The following SUGCT variants were observed in gnomAD, a reference collection of about 807,000 sequenced individuals.
SUGCT encodes the protein succinyl-CoA:glutarate-CoA transferase, also known as succinyl-CoA:glutarate CoA-transferase.
A neutral mutation model predicts 55.0 loss-of-function variants in SUGCT; 41 were observed. The observed-to-expected ratio is 0.74, with a 90% confidence interval of 0.58 to 0.97. SUGCT has a LOEUF of 0.97. SUGCT is among the 50% of genes least tolerant of loss of function. The pLI, the probability that SUGCT is intolerant of heterozygous loss-of-function variation, is 0.00. For synonymous variants in SUGCT, 187 were observed against 200.4 expected, an observed-to-expected ratio of 0.93 and a Z score of 0.56; for missense variants, 568 against 547.8, an observed-to-expected ratio of 1.04 and a Z score of -0.37.
At chr7:40,627,986 C>A (rs1050705797) in intron 12 of SUGCT, among the ~76,000 whole-genome samples, 1 of 152,194 alleles carries the variant, frequency 6.6e-6, no homozygotes, top group African/African-American at 2.4e-5. Flanking sequence ...CTTCGGGTTT[C>A]ATGTTATCAA....
chr7:40,283,272 A>G (rs1045009659), intron 8 of SUGCT, among the ~76,000 whole-genome samples: 3 of 150,692 alleles, frequency 2.0e-5, no homozygotes, highest in Non-Finnish European at 4.4e-5. Flanking sequence ...TCTGTCACCC[A>G]GGCTGGTGTG....
At chr7:40,937,271 C>T in the SUGCT span, among the ~76,000 whole-genome samples, 5 of 152,168 alleles carry the variant, frequency 3.3e-5, no homozygotes, top group South Asian at 2.1e-4. Context: ...CAGGTTCAAG[C>T]GATTCTCCTC....
At chr7:40,857,375 T>C (rs1326062364) in intron 13 of SUGCT, among the ~76,000 whole-genome samples, 1 of 152,230 alleles carries the variant, frequency 6.6e-6, no homozygotes, top group Non-Finnish European at 1.5e-5. Flanking sequence ...TAGCTTTCTC[T>C]GAGATCTTGA....
intron 1 of SUGCT, chr7:40,153,341 C>T: frequency 2.8e-6 from 1 of 362,642 alleles, no homozygotes; most frequent in Non-Finnish European, 5.4e-6. Context: ...TGCTTTCCCT[C>T]AAATGAGACT....
At chr7:40,615,680 C>T (rs1039509352) in intron 12 of SUGCT, among the ~76,000 whole-genome samples, 2 of 152,094 alleles carry the variant, frequency 1.3e-5, no homozygotes, top group East Asian at 1.9e-4. Flanking sequence ...ATGTGGGATC[C>T]GTGGTATATT....
chr7:40,670,907 C>T (rs1801908638), intron 12 of SUGCT, among the ~76,000 whole-genome samples: 2 of 152,086 alleles, frequency 1.3e-5, no homozygotes, highest in Non-Finnish European at 2.9e-5. Context: ...GGACAGAGCA[C>T]TTCCAGTTCA....
intron 6 of SUGCT, among the ~76,000 whole-genome samples, chr7:40,234,812 G>A (rs1025181398): frequency 6.6e-6 from 1 of 152,086 alleles, no homozygotes; most frequent in African/African-American, 2.4e-5. Context: ...GGGAGGCTGA[G>A]GGGGGAGAAT....
intron 8 of SUGCT, among the ~76,000 whole-genome samples, chr7:40,305,219 C>G (rs2151086540): frequency 6.6e-6 from 1 of 152,364 alleles, no homozygotes; most frequent in East Asian, 1.9e-4. Flanking sequence ...AAATTTCAGC[C>G]TGACCTTCTC....
chr7:40,243,640 C>T (rs1179292937), intron 7 of SUGCT, among the ~76,000 whole-genome samples: 2 of 151,672 alleles, frequency 1.3e-5, no homozygotes, highest in Non-Finnish European at 2.9e-5. Context: ...ATGTTGACAA[C>T]GAAGGCAGTT....
intron 3 of SUGCT, among the ~76,000 whole-genome samples, chr7:40,186,093 T>C (rs1442969160): frequency 1.4e-5 from 2 of 142,014 alleles, no homozygotes; most frequent in Non-Finnish European, 3.1e-5. Context: ...CTCTTTTTCT[T>C]CCTTCCTTCC....
intron 9 of SUGCT, among the ~76,000 whole-genome samples, chr7:40,352,592 C>T (rs1400001791): frequency 6.6e-6 from 1 of 152,164 alleles, no homozygotes; most frequent in Admixed American, 6.6e-5. Context: ...TGTTAGTTTG[C>T]TTCAGATAAT....
At chr7:40,212,057 CA>C (rs1562580668) in intron 6 of SUGCT, among the ~76,000 whole-genome samples, 1 of 151,742 alleles carries the variant, frequency 6.6e-6, no homozygotes, top group African/African-American at 2.4e-5. Flanking sequence ...CTGGGGCCTG[CA>C]GACTTTTTCT....
intron 11 of SUGCT, among the ~76,000 whole-genome samples, chr7:40,461,883 G>A (rs922515004): frequency 6.6e-6 from 1 of 152,162 alleles, no homozygotes; most frequent in Non-Finnish European, 1.5e-5. Context: ...TAGGGAGGTG[G>A]TCTCCAGGTC....
chr7:40,225,488 G>A (rs1351093420), intron 6 of SUGCT, among the ~76,000 whole-genome samples: 1 of 149,124 alleles, frequency 6.7e-6, no homozygotes, highest in African/African-American at 2.5e-5. Context: ...CCAGGCTGTA[G>A]TACAGTGGCA....
At chr7:40,843,337 C>T (rs1793374112) in intron 13 of SUGCT, among the ~76,000 whole-genome samples, 1 of 151,852 alleles carries the variant, frequency 6.6e-6, no homozygotes, top group African/African-American at 2.4e-5. Flanking sequence ...TGGTGAAACC[C>T]CGTCTCTACT....
chr7:40,180,839 A>G, intron 1 of SUGCT, 108 bp from the exon 2 acceptor site: 1 of 838,034 alleles, frequency 1.2e-6, no homozygotes, highest in Non-Finnish European at 2.0e-6. Context: ...CTCCCTTGCT[A>G]AGAATCACTG....
At chr7:40,639,458 A>G (rs1286201958) in intron 12 of SUGCT, among the ~76,000 whole-genome samples, 3 of 151,862 alleles carry the variant, frequency 2.0e-5, no homozygotes, top group Non-Finnish European at 4.4e-5. Context: ...ATCAATTACT[A>G]TGATTTTCAA....
intron 9 of SUGCT, among the ~76,000 whole-genome samples, chr7:40,385,914 A>G (rs1166063170): frequency 6.6e-6 from 1 of 152,206 alleles, no homozygotes; most frequent in Non-Finnish European, 1.5e-5. Flanking sequence ...GACATGTAAC[A>G]ATTGTTAGGG....
At chr7:40,220,085 G>A (rs1354177230) in intron 6 of SUGCT, among the ~76,000 whole-genome samples, 1 of 152,104 alleles carries the variant, frequency 6.6e-6, no homozygotes, top group Admixed American at 6.6e-5. Flanking sequence ...TTAATCCTTT[G>A]CACCAATGAT....
Sources: gnomAD v4.1 joint callset for allele counts (sites outside exome capture counted in the v4.1 genomes callset) on GRCh38, gnomAD v4.1.1 for gene constraint, MANE v1.5 for transcripts, NCBI Gene and HGNC (gene_info 2026-07-23, HGNC 2026-07-21) for gene names.